The following SIPA1L2 variants were observed in gnomAD, a reference collection of about 807,000 sequenced individuals.
The protein encoded by SIPA1L2 is signal induced proliferation associated 1 like 2.
In SIPA1L2, 56 loss-of-function variants were observed where a neutral mutation model predicts 163.9. That is an observed-to-expected ratio of 0.34 (90% CI 0.28 to 0.43). SIPA1L2 has a LOEUF of 0.43. Ranked by LOEUF, SIPA1L2 falls within the 20% of genes least tolerant of loss-of-function variation. SIPA1L2 has a pLI of 1.00. For synonymous variants in SIPA1L2, 877 were observed against 865.7 expected (o/e 1.01, Z -0.23); for missense variants, 1,974 against 2,193.5 (o/e 0.90, Z 2.00).
intron 1 of SIPA1L2, among the ~76,000 whole-genome samples, chr1:232,578,760 T>C (rs577757708): frequency 6.6e-6 from 1 of 152,278 alleles, no homozygotes; most frequent in South Asian, 2.1e-4. Flanking sequence ...CTGTAAACAA[T>C]TAATGTTCCA....
Position 232,515,169 on chromosome 1 carries a change from A to G in SIPA1L2, c.171T>C (p.Asn57=). The change falls in exon 3 of 23, where the codon AAT becomes AAC. Residue 57 remains asparagine, a synonymous_variant. Transcript: ENST00000674635. ...PTTSLNASNS[N]ETGGGGPANG... ...TAGCCGGACCACCACCGCCAGTCTC[A>G]TTGGAATTCGAGGCATTTAAAGAAG... 4.3e-6 allele frequency: 7 copies of G among 1,614,134 alleles called. No individual in the cohort carries two copies. The highest frequency in any genetic ancestry group is 5.1e-6 in the Non-Finnish European group (6 of 1,179,984).
At chr1:232,620,851 T>C (rs1451620792) in intron 1 of SIPA1L2, among the ~76,000 whole-genome samples, 4 of 152,226 alleles carry the variant, frequency 2.6e-5, no homozygotes, top group Non-Finnish European at 5.9e-5. Flanking sequence ...AATGACAAGG[T>C]GAACAAAGTC....
At chr1:232,585,365 T>C (rs569090939) in intron 1 of SIPA1L2, among the ~76,000 whole-genome samples, 14 of 152,240 alleles carry the variant, frequency 9.2e-5, no homozygotes, top group Middle Eastern at 3.4e-3. Context: ...ATATTTACAA[T>C]CTCATATATG....
At chr1:232,446,999 CTA>C in intron 10 of SIPA1L2, among the ~76,000 whole-genome samples, 1 of 152,314 alleles carries the variant, frequency 6.6e-6, no homozygotes, top group East Asian at 1.9e-4. Context: ...GTATATGAAT[CTA>C]TGTTTTCAAC....
At position 232,611,166 on chromosome 1, in the gene SIPA1L2, C is replaced by G. The variant is rs578144453; in HGVS notation, c.-319+18703G>C. On this transcript the variant is annotated intron_variant, in intron 1 of 22. Transcript: ENST00000674635. ...TTCTCCTGCCTCTGCCATGTAAGAACTGCCTTTTGCCTCCCGCCATGATTC... is the reference window on the plus strand; with the variant it reads ...TTCTCCTGCCTCTGCCATGTAAGAAGTGCCTTTTGCCTCCCGCCATGATTC... 1.2e-4 allele frequency among the ~76,000 whole-genome samples: 18 copies of G among 152,300 alleles called. No homozygotes were observed. The South Asian group carries it at 1.7e-3, about 14-fold the overall frequency.
At chr1:232,611,113 G>A (rs963335158) in intron 1 of SIPA1L2, among the ~76,000 whole-genome samples, 1 of 152,120 alleles carries the variant, frequency 6.6e-6, no homozygotes, top group African/African-American at 2.4e-5. Context: ...GGTTTTATCA[G>A]GGGTTCCGCT....
At chr1:232,479,024 T>A (rs1665185840) in intron 7 of SIPA1L2, among the ~76,000 whole-genome samples, 1 of 152,182 alleles carries the variant, frequency 6.6e-6, no homozygotes, top group Admixed American at 6.5e-5. Flanking sequence ...TTTCTAGTAA[T>A]CTTTGCAAAA....
In SIPA1L2 at chr1:232,461,017, T is replaced by C. The variant is rs1468648779; in HGVS notation, c.2965A>G (p.Ser989Gly). ...ACTTTGCAGATCTCCACGAGGCGGC[T>C]CCCTTGGCGAAGGCCAGCCTTCCAG... is the stretch of plus-strand genomic sequence containing the variant. ...FAWKAGLRQG[S>G]RLVEICKVAV... Residue 989 changes from serine to glycine, a missense_variant, in exon 10 of 23, where the codon AGC becomes GGC. Physicochemically the swap from Ser to Gly is moderately conservative, Grantham distance 56. Coordinates refer to ENST00000674635, the MANE Select transcript of SIPA1L2 (RefSeq NM_020808.5). 1 of 1,614,266 alleles carries C rather than the reference T, an allele frequency of 6.2e-7. No homozygotes were observed. Among genetic ancestry groups the C allele is most frequent in the South Asian group, 1.1e-5 (1 of 91,086 alleles).
At chr1:232,525,999 G>C (rs1667688813) in intron 2 of SIPA1L2, among the ~76,000 whole-genome samples, 1 of 152,188 alleles carries the variant, frequency 6.6e-6, no homozygotes, top group African/African-American at 2.4e-5. Context: ...GGAGCCAAGA[G>C]AGGAAGGCAA....
At chr1:232,614,041 A>G (rs1324843829) in intron 1 of SIPA1L2, among the ~76,000 whole-genome samples, 1 of 152,206 alleles carries the variant, frequency 6.6e-6, no homozygotes, top group Non-Finnish European at 1.5e-5. Flanking sequence ...CCACAAAGAC[A>G]TGAACTCTGA....
At chr1:232,420,449 G>T (rs1446375999) in intron 18 of SIPA1L2, among the ~76,000 whole-genome samples, 1 of 152,150 alleles carries the variant, frequency 6.6e-6, no homozygotes, top group Non-Finnish European at 1.5e-5. Context: ...GGTTTTATAC[G>T]AAAGGCATCA....
intron 3 of SIPA1L2, among the ~76,000 whole-genome samples, chr1:232,506,169 AAAAG>A (rs1261454050): frequency 6.6e-6 from 1 of 152,170 alleles, no homozygotes. Flanking sequence ...TTGAACCACT[AAAAG>A]AAAGTATTGC....
intron 3 of SIPA1L2, among the ~76,000 whole-genome samples, chr1:232,496,722 A>G (rs1026128398): frequency 6.6e-6 from 1 of 152,178 alleles, no homozygotes; most frequent in Non-Finnish European, 1.5e-5. Context: ...CTTAAAACTA[A>G]ATCATTTTGG....
intron 4 of SIPA1L2, among the ~76,000 whole-genome samples, chr1:232,492,077 C>T (rs1490627058): frequency 6.6e-6 from 1 of 152,076 alleles, no homozygotes; most frequent in African/African-American, 2.4e-5. Flanking sequence ...AGGTCTATAA[C>T]TTAAAATATG....
intron 10 of SIPA1L2, among the ~76,000 whole-genome samples, chr1:232,455,713 T>TAAAAAAAA (rs1663868946): frequency 1.7e-5 from 1 of 58,104 alleles, no homozygotes; most frequent in African/African-American, 8.5e-5. Flanking sequence ...AGACTCTGTC[T>TAAAAAAAA]CAAAAAAAAA....
At chr1:232,510,705 A>G (rs1666940344) in intron 3 of SIPA1L2, among the ~76,000 whole-genome samples, 2 of 152,196 alleles carry the variant, frequency 1.3e-5, no homozygotes, top group African/African-American at 4.8e-5. Flanking sequence ...GAAAACTAAC[A>G]GAATCTAGCA....
At chr1:232,609,000 GAAAA>G (rs11374955) in intron 1 of SIPA1L2, among the ~76,000 whole-genome samples, 8 of 149,086 alleles carry the variant, frequency 5.4e-5, no homozygotes, top group African/African-American at 2.0e-4. Flanking sequence ...TGTGAAAAAA[GAAAA>G]AAAAAAAGTA....
At position 232,432,416 on chromosome 1, in the gene SIPA1L2, G is replaced by A; in HGVS notation, c.4087C>T (p.Leu1363=). ...SAHCSKSSGS[L]DSSKVYIVSH... ...ACGATGTAGACTTTGGATGAATCCA[G>A]AGACCCACTACTTTTTGAACAGTGA... The change falls in exon 16 of 23, where the codon CTG becomes TTG. Residue 1363 remains leucine, a synonymous_variant. Coordinates refer to ENST00000674635, the MANE Select transcript of SIPA1L2 (RefSeq NM_020808.5). 6.2e-7 allele frequency: 1 copy of A among 1,614,262 alleles called. No homozygotes were observed. Among genetic ancestry groups the A allele is most frequent in the Non-Finnish European group, 8.5e-7 (1 of 1,180,054 alleles).
chr1:232,555,653 C>T (rs1658657172), intron 2 of SIPA1L2, among the ~76,000 whole-genome samples: 1 of 152,126 alleles, frequency 6.6e-6, no homozygotes, highest in Non-Finnish European at 1.5e-5. Flanking sequence ...AGGTCCAGAC[C>T]ATGACATCAG....
Sources: gnomAD v4.1 joint callset for allele counts (sites outside exome capture counted in the v4.1 genomes callset) on GRCh38, gnomAD v4.1.1 for gene constraint, MANE v1.5 for transcripts, NCBI Gene and HGNC (gene_info 2026-07-23, HGNC 2026-07-21) for gene names.